The following CLTCL1 variants were observed in gnomAD, a reference collection of about 807,000 sequenced individuals.
CLTCL1 encodes the protein clathrin heavy chain 2.
CLTCL1 carries 159 observed loss-of-function variants against 190.0 expected under a neutral mutation model. The ratio of observed to expected loss-of-function variants is 0.84; its 90% CI spans 0.74 to 0.95. The LOEUF (loss-of-function observed/expected upper bound fraction) is 0.95. Ranked by LOEUF, CLTCL1 falls within the 40% of genes least tolerant of loss-of-function variation. CLTCL1 has a pLI of 0.00. For missense variants in CLTCL1, 1,878 were observed against 2,033.4 expected, an observed-to-expected ratio of 0.92 and a Z score of 1.47; for synonymous variants, 752 against 769.6, an observed-to-expected ratio of 0.98 and a Z score of 0.38.
At chr22:19,273,657 T>C (rs1388006765) in intron 2 of CLTCL1, among the ~76,000 whole-genome samples, 1 of 152,190 alleles carries the variant, frequency 6.6e-6, no homozygotes, top group Non-Finnish European at 1.5e-5. Context: ...GCTACTTCTT[T>C]ACCCATTATA....
intron 5 of CLTCL1, among the ~76,000 whole-genome samples, chr22:19,236,974 C>A (rs2086100522): frequency 6.6e-6 from 1 of 151,906 alleles, no homozygotes; most frequent in Non-Finnish European, 1.5e-5. Context: ...AAAACAAGGA[C>A]AATTAGGATA....
At chr22:19,234,788 G>T in intron 6 of CLTCL1, 82 bp from the exon 7 acceptor site, 2 of 1,220,730 alleles carry the variant, frequency 1.6e-6, no homozygotes, top group Non-Finnish European at 2.4e-6. Flanking sequence ...TCCGATGCTG[G>T]AGTGGTAGCC....
At position 19,249,039 on chromosome 22, in the gene CLTCL1, T is replaced by C. The variant is rs114844097; in HGVS notation, c.519+4920A>G. ...TCTTGGCAACCTTGTCAAAAATCAA[T>C]TGACCACAAGGGATACAACACTTTG... On this transcript the variant is annotated intron_variant, in intron 3 of 32. Coordinates refer to ENST00000427926, the MANE Select transcript of CLTCL1 (RefSeq NM_007098.4). Among the ~76,000 whole-genome samples, 589 of 152,292 alleles carry C rather than the reference T, an allele frequency of 3.9e-3. 6 individuals carry two copies. Among genetic ancestry groups the C allele is most frequent in the African/African-American group, 0.014 (564 of 41,558 alleles).
chr22:19,216,041 A>C (rs782703284), intron 19 of CLTCL1, 70 bp downstream of exon 19: 4 of 1,481,202 alleles, frequency 2.7e-6, no homozygotes, highest in South Asian at 1.2e-5. Context: ...CGAGATTGTA[A>C]CAGAAGATGA....
At chr22:19,266,280 G>C (rs1601694189) in intron 2 of CLTCL1, among the ~76,000 whole-genome samples, 1 of 152,136 alleles carries the variant, frequency 6.6e-6, no homozygotes, top group Non-Finnish European at 1.5e-5. Flanking sequence ...GAAATTAAAA[G>C]AAGCGAATAT....
At chr22:19,225,197 G>A (rs142462063) in intron 13 of CLTCL1, among the ~76,000 whole-genome samples, 9 of 152,238 alleles carry the variant, frequency 5.9e-5, no homozygotes, top group Middle Eastern at 3.4e-3. Context: ...TAGACACACC[G>A]GGCTCCATAA....
intron 21 of CLTCL1, 136 bp downstream of exon 21, chr22:19,208,786 C>T: frequency 1.4e-6 from 1 of 725,066 alleles, no homozygotes; most frequent in Non-Finnish European, 2.2e-6. Flanking sequence ...TTGTGGGAAA[C>T]TTTCATGTAG....
At position 19,230,097 on chromosome 22, in the gene CLTCL1, G is replaced by GTTTTTTTTTTTTTTTTTTTTTTT. The variant is rs374875733; in HGVS notation, c.1645-123_1645-122insAAAAAAAAAAAAAAAAAAAAAAA. On this transcript the variant is annotated intron_variant, in intron 10 of 32. Coordinates refer to ENST00000427926, the MANE Select transcript of CLTCL1 (RefSeq NM_007098.4). ...AATTCAGCAATTAGTTCCCTCCCTT[G>GTTTTTTTTTTTTTTTTTTTTTTT]GTTTTTTTTTTTTTTTTGAGATGGA... 1.5e-5 allele frequency: 8 copies of GTTTTTTTTTTTTTTTTTTTTTTT among 530,318 alleles called. 4 individuals are homozygous for GTTTTTTTTTTTTTTTTTTTTTTT. Among genetic ancestry groups the GTTTTTTTTTTTTTTTTTTTTTTT allele is most frequent in the African/African-American group, 5.4e-5 (2 of 37,250 alleles). The allele number at this position is 530,318 out of a possible 1,614,324, so 32.9% of individuals were successfully genotyped here.
Position 19,235,971 on chromosome 22 carries a change from G to C in CLTCL1, c.796-102C>G. 3 of 1,111,376 alleles carry C rather than the reference G, an allele frequency of 2.7e-6. No individual in the cohort carries two copies. In the South Asian group the frequency reaches 4.7e-5, roughly 17 times the overall value. The allele number at this position is 1,111,376 out of a possible 1,614,324, so 68.8% of individuals were successfully genotyped here. A position where few individuals can be genotyped will look rare whatever the true frequency, so the allele number is the denominator to read the frequency against. The stretch of plus-strand genomic sequence containing the variant: ...AAAGAGGATTCTTGTTTGTTTGTTT[G>C]TTTTTTGAGATAGGGTCGTGCTCTG... On this transcript the variant is annotated intron_variant, in intron 5 of 32. Coordinates refer to ENST00000427926, the MANE Select transcript of CLTCL1 (RefSeq NM_007098.4).
chr22:19,260,034 T>C (rs1569233933), intron 2 of CLTCL1, among the ~76,000 whole-genome samples: 1 of 152,328 alleles, frequency 6.6e-6, no homozygotes, highest in Non-Finnish European at 1.5e-5. Flanking sequence ...GTGGCCTGGA[T>C]AGAAGATCTA....
chr22:19,241,160 G>A (rs782398491), intron 4 of CLTCL1, among the ~76,000 whole-genome samples: 46 of 152,214 alleles, frequency 3.0e-4, no homozygotes, highest in Non-Finnish European at 5.7e-4. Context: ...TCTCCAGCTC[G>A]GCTGGAGGGG....
chr22:19,191,685 T>C (rs576455184), intron 26 of CLTCL1, among the ~76,000 whole-genome samples: 1 of 152,212 alleles, frequency 6.6e-6, no homozygotes, highest in South Asian at 2.1e-4. Flanking sequence ...CCTAGACCAG[T>C]ATCTGATGCA....
In CLTCL1 at chr22:19,277,097, G is replaced by A. The variant is rs371787353; in HGVS notation, c.43-1267C>T. On this transcript the variant is annotated intron_variant, in intron 1 of 32. Coordinates refer to ENST00000427926, the MANE Select transcript of CLTCL1 (RefSeq NM_007098.4). The stretch of plus-strand genomic sequence containing the variant: ...ACACTAGCAACAAAGATCATGGACC[G>A]CTGCATTAAAATTGCACCACCCTTT... Among the ~76,000 whole-genome samples the A allele has an allele frequency of 1.4e-4, 21 of 152,244 alleles. 1 individual carries two copies. The East Asian group carries it at 1.5e-3, about 11-fold the overall frequency.
intron 3 of CLTCL1, among the ~76,000 whole-genome samples, chr22:19,247,840 T>G (rs1206540): frequency 2.0e-5 from 3 of 151,620 alleles, no homozygotes; most frequent in Non-Finnish European, 4.4e-5. Flanking sequence ...GGATTAAAGG[T>G]GTGAGTCACC....
In CLTCL1 at chr22:19,196,652, C is replaced by G. The variant is rs200802426; in HGVS notation, c.3878G>C (p.Arg1293Pro). 3.1e-6 allele frequency: 5 copies of G among 1,612,080 alleles called. No individual in the cohort carries two copies. In the East Asian group the frequency reaches 6.7e-5, roughly 22 times the overall value. The change falls in exon 25 of 33, where the codon CGT (arginine) becomes CCT (proline). Residue 1293 changes from arginine (R) to proline (P), a missense_variant. Transcript: ENST00000427926. ...LEELMCYYQDRGYFEELILLL... is the reference protein window; with the variant it reads ...LEELMCYYQDPGYFEELILLL... ...CAAGATCAGCTCCTCAAAGTAGCCA[C>G]GATCCTAGCAGACCAACAGCCACGC...
In CLTCL1 at chr22:19,222,162, G is replaced by A. The variant is rs12169160; in HGVS notation, c.2419-69C>T. 5.2e-5 allele frequency: 81 copies of A among 1,549,594 alleles called. No individual in the cohort carries two copies. The African/African-American group carries it at 8.8e-4, about 17-fold the overall frequency. On this transcript the variant is annotated intron_variant, in intron 15 of 32. Coordinates refer to ENST00000427926, the MANE Select transcript of CLTCL1 (RefSeq NM_007098.4). ...GTTATTGTTAGAAGCCTCCTACGAC[G>A]TGGACAGTTTGGGCAAAACCCTGAA...
intron 29 of CLTCL1, among the ~76,000 whole-genome samples, chr22:19,185,055 G>A: frequency 6.6e-6 from 1 of 152,238 alleles, no homozygotes; most frequent in Non-Finnish European, 1.5e-5. Context: ...AGCTGGCTTT[G>A]CCCTGACTGG....
rs1323975117 is a variant in CLTCL1 at position 19,188,010 on chromosome 22, G to A, written c.4405C>T (p.His1469Tyr). ...NNKSVNEALNHLLTEEEDYQG... is the reference protein window; with the variant it reads ...NNKSVNEALNYLLTEEEDYQG... ...TAGTCCTCCTCCTCTGTCAGCAGGT[G>A]GTTGAGTGCCTCATTCACACTCTTG... Residue 1469 changes from histidine (H) to tyrosine (Y), a missense_variant, in exon 28 of 33, where the codon CAC becomes TAC. Physicochemically the swap from His to Tyr is moderately conservative, Grantham distance 83. Coordinates refer to ENST00000427926, the MANE Select transcript of CLTCL1 (RefSeq NM_007098.4). 7.4e-6 allele frequency: 12 copies of A among 1,613,924 alleles called. No homozygotes were observed. Among genetic ancestry groups the A allele is most frequent in the Non-Finnish European group, 9.3e-6 (11 of 1,179,900 alleles).
At chr22:19,222,868 C>G in intron 14 of CLTCL1, 59 bp from the exon 15 acceptor site, 2 of 1,554,502 alleles carry the variant, frequency 1.3e-6, no homozygotes, top group Non-Finnish European at 1.7e-6. Context: ...AGCCAGACCT[C>G]GGACTCATTG....
Sources: gnomAD v4.1 joint callset for allele counts (sites outside exome capture counted in the v4.1 genomes callset) on GRCh38, gnomAD v4.1.1 for gene constraint, MANE v1.5 for transcripts, NCBI Gene and HGNC (gene_info 2026-07-23, HGNC 2026-07-21) for gene names.